Variants in MMAA observed in about 807,000 individuals in gnomAD.
The protein encoded by MMAA is methylmalonic aciduria type A protein, mitochondrial.
A neutral mutation model predicts 45.0 loss-of-function variants in MMAA; 41 were observed. The observed-to-expected ratio is 0.91, with a 90% CI of 0.71 to 1.18. The LOEUF is 1.18. MMAA is among the 50% of genes most tolerant of loss of function. MMAA has a pLI of 0.00. For missense variants in MMAA, 460 were observed against 495.7 expected, an observed-to-expected ratio of 0.93 and a Z score of 0.68; for synonymous variants, 154 against 178.2, an observed-to-expected ratio of 0.86 and a Z score of 1.08.
At chr4:145,641,751 G>C (rs951690247) in intron 2 of MMAA, among the ~76,000 whole-genome samples, 2 of 152,186 alleles carry the variant, frequency 1.3e-5, no homozygotes, top group Non-Finnish European at 2.9e-5. Flanking sequence ...ATGAGAACTG[G>C]CTGCGTGGCT....
chr4:145,649,161 T>G (rs1327570085), intron 4 of MMAA, among the ~76,000 whole-genome samples: 2 of 150,512 alleles, frequency 1.3e-5, no homozygotes, highest in African/African-American at 4.9e-5. Context: ...AGCCAGGCAT[T>G]GTGTTACACA....
intron 1 of MMAA, among the ~76,000 whole-genome samples, chr4:145,620,095 T>C (rs1578865543): frequency 6.6e-6 from 1 of 152,370 alleles, no homozygotes; most frequent in Middle Eastern, 3.4e-3. Flanking sequence ...CTTTTCCAAC[T>C]TGGTAGAAAG....
At chr4:145,650,373 T>G (rs2126626679) in intron 4 of MMAA, 2 of 152,960 alleles carry the variant, frequency 1.3e-5, no homozygotes, top group Admixed American at 1.3e-4. Context: ...TCTTGTTACC[T>G]GTGGAGTACG....
At chr4:145,648,927 C>G (rs1728015802) in intron 4 of MMAA, among the ~76,000 whole-genome samples, 1 of 152,034 alleles carries the variant, frequency 6.6e-6, no homozygotes, top group Non-Finnish European at 1.5e-5. Flanking sequence ...TCTGAGGCTG[C>G]AGTGAGCTGT....
intron 1 of MMAA, among the ~76,000 whole-genome samples, chr4:145,622,740 A>G (rs535861604): frequency 3.3e-5 from 5 of 152,368 alleles, no homozygotes; most frequent in Non-Finnish European, 7.3e-5. Flanking sequence ...CAAAAAAGAA[A>G]CTACAGAGTT....
At chr4:145,624,701 AT>A in intron 1 of MMAA, 1 of 1,549,028 alleles carries the variant, frequency 6.5e-7, no homozygotes, top group South Asian at 1.1e-5. Flanking sequence ...TGGGCATCCC[AT>A]TTTTATCCTT....
At chr4:145,626,678 C>T (rs1227858737) in intron 1 of MMAA, among the ~76,000 whole-genome samples, 2 of 152,174 alleles carry the variant, frequency 1.3e-5, no homozygotes, top group Non-Finnish European at 2.9e-5. Flanking sequence ...CCAAGTTCTG[C>T]CACTAGTTCT....
At chr4:145,634,845 C>T (rs538138408) in intron 1 of MMAA, among the ~76,000 whole-genome samples, 4 of 152,008 alleles carry the variant, frequency 2.6e-5, no homozygotes, top group South Asian at 2.1e-4. Context: ...CTAGAAATGT[C>T]GTTCAGGAGC....
chr4:145,621,727 C>T (rs1219004449), intron 1 of MMAA, among the ~76,000 whole-genome samples: 1 of 152,140 alleles, frequency 6.6e-6, no homozygotes, highest in Non-Finnish European at 1.5e-5. Flanking sequence ...GTGCTGCAGA[C>T]ACTGATCTAC....
At chr4:145,624,256 TCTGGGGGGAAGTTATATTC>T (rs1734150329) in intron 1 of MMAA, 1 of 801,624 alleles carries the variant, frequency 1.2e-6, no homozygotes, top group African/African-American at 1.7e-5. Context: ...GCCATAATGG[TCTGGGGGGAAGTTATATTC>T]CTCCTGTAGA....
chr4:145,638,843 C>T (rs115164883), intron 1 of MMAA, among the ~76,000 whole-genome samples: 126 of 152,250 alleles, frequency 8.3e-4, no homozygotes, highest in African/African-American at 2.6e-3. Flanking sequence ...AATTCCACTT[C>T]GCAGTAGAGT....
At position 145,659,290 on chromosome 4, in the gene MMAA, T is replaced by C. The variant is rs932159386; in HGVS notation, c.*3856T>C. 2 of 152,236 alleles carry C rather than the reference T, an allele frequency of 1.3e-5. No individual in the cohort carries two copies. Among genetic ancestry groups the C allele is most frequent in the African/African-American group, 4.8e-5 (2 of 41,454 alleles). The allele number at this position is 152,236 out of a possible 1,614,324, so 9.4% of individuals were successfully genotyped here. On this transcript the variant is annotated 3_prime_UTR_variant, in exon 7 of 7. Coordinates refer to ENST00000649156, the MANE Select transcript of MMAA (RefSeq NM_172250.3). ...TTTGCTTTGTTTGTCATTTGTGGTA[T>C]GTTTGATAACAAAAATATTAGTGGC...
In MMAA at chr4:145,656,707, C is replaced by T. The variant is rs1001420347; in HGVS notation, c.*1273C>T. 2.6e-5 allele frequency: 4 copies of T among 152,062 alleles called. No individual in the cohort carries two copies. Among genetic ancestry groups the T allele is most frequent in the Non-Finnish European group, 5.9e-5 (4 of 67,966 alleles). The allele number at this position is 152,062 out of a possible 1,614,324, so 9.4% of individuals were successfully genotyped here. A position where few individuals can be genotyped will look rare whatever the true frequency, so the allele number is the denominator to read the frequency against. On this transcript the variant is annotated 3_prime_UTR_variant, in exon 7 of 7. Transcript: ENST00000649156. ...TGTACATTTGAATAAAATTTCTAACCATAAAATTTCGCCATTGCACAAAAA... is the reference window on the plus strand; with the variant it reads ...TGTACATTTGAATAAAATTTCTAACTATAAAATTTCGCCATTGCACAAAAA...
chr4:145,648,624 T>G (rs1007151560), intron 4 of MMAA, among the ~76,000 whole-genome samples: 2 of 152,152 alleles, frequency 1.3e-5, no homozygotes, highest in African/African-American at 2.4e-5. Flanking sequence ...CCTGGTTATA[T>G]TTAGCTACCT....
chr4:145,634,895 C>T (rs1295347796), intron 1 of MMAA, among the ~76,000 whole-genome samples: 3 of 151,816 alleles, frequency 2.0e-5, no homozygotes, highest in Non-Finnish European at 2.9e-5. Context: ...TAACTGGTGC[C>T]CCATCCTGCT....
rs1167663893 is a variant in MMAA at position 145,639,323 on chromosome 4, A to G, written c.184A>G (p.Lys62Glu). Residue 62 changes from lysine (K) to glutamate (E), a missense_variant, in exon 2 of 7, where the codon AAG (lysine) becomes GAG (glutamate). Lys to Glu is a moderately conservative substitution (Grantham distance 56, BLOSUM62 1). Transcript: ENST00000649156. ...TKWMLLSDGL[K>E]RKLCVQTTLK... ...GTGGATGCTGCTGTCAGATGGCTTA[A>G]AGAGAAAATTATGTGTACAAACAAC... 1 of 1,614,172 alleles carries G rather than the reference A, an allele frequency of 6.2e-7. No individual in the cohort carries two copies. The highest frequency in any genetic ancestry group is 2.2e-5 in the East Asian group (1 of 44,884).
chr4:145,638,753 C>T (rs762404447), intron 1 of MMAA, among the ~76,000 whole-genome samples: 1 of 151,902 alleles, frequency 6.6e-6, no homozygotes, highest in African/African-American at 2.4e-5. Flanking sequence ...ACTGTTAAGA[C>T]GAATTTAAGA....
At chr4:145,652,749 A>C (rs72950838) in intron 5 of MMAA, among the ~76,000 whole-genome samples, 57,521 of 151,488 alleles carry the variant, frequency 0.38, 11,248 homozygotes, top group East Asian at 0.48. Context: ...ACAACAACAA[A>C]AAAACCCAGG....
rs902801943 is a variant in MMAA, at chr4:145,659,034, G to A, written c.*3600G>A. Reference sequence around the variant, plus strand: ...GTCAGAGTGGTGGCTGGCACCAACGGTAGATGTTCTCAACATTAGCGTTAT... The same window carrying A: ...GTCAGAGTGGTGGCTGGCACCAACGATAGATGTTCTCAACATTAGCGTTAT... On this transcript the variant is annotated 3_prime_UTR_variant, in exon 7 of 7. Coordinates refer to ENST00000649156, the MANE Select transcript of MMAA (RefSeq NM_172250.3). The A allele has an allele frequency of 2.6e-5, 4 of 152,150 alleles. No individual in the cohort carries two copies. The highest frequency in any genetic ancestry group is 1.3e-4 in the Admixed American group (2 of 15,276). 9.4% of individuals were successfully genotyped at this position (152,150 alleles called of 1,614,324 possible).
Sources: allele counts gnomAD v4.1 joint callset (sites outside exome capture counted in the v4.1 genomes callset), GRCh38; gene constraint gnomAD v4.1.1; transcripts MANE v1.5; gene names NCBI Gene and HGNC (gene_info 2026-07-23, HGNC 2026-07-21).